Variants in PAIP2 observed in about 807,000 individuals in gnomAD.
The protein encoded by PAIP2 is poly(A) binding protein interacting protein 2, also known as polyadenylate-binding protein-interacting protein 2.
PAIP2 carries 7 observed loss-of-function variants against 14.8 expected under a neutral mutation model. The observed-to-expected ratio is 0.47, with a 90% CI of 0.27 to 0.89. The LOEUF is 0.89. Ranked by LOEUF, PAIP2 falls within the 40% of genes least tolerant of loss-of-function variation. The probability of loss-of-function intolerance (pLI) is 0.13; values close to 1 mark genes in which losing one functional copy is unlikely to be tolerated. For synonymous variants in PAIP2, 47 were observed against 45.3 expected, an observed-to-expected ratio of 1.04 and a Z score of -0.15; for missense variants, 122 against 154.7, an observed-to-expected ratio of 0.79 and a Z score of 1.12.
chr5:139,364,413 G>A (rs1757157285), intron 2 of PAIP2, 151 bp from the exon 3 acceptor site: 1 of 535,060 alleles, frequency 1.9e-6, no homozygotes, highest in African/African-American at 1.9e-5. Flanking sequence ...ATCTTCGCCG[G>A]TCATTATGGT....
intron 1 of PAIP2, among the ~76,000 whole-genome samples, chr5:139,343,750 C>G (rs1159815810): frequency 2.4e-5 from 3 of 126,730 alleles, no homozygotes; most frequent in Non-Finnish European, 4.7e-5. Flanking sequence ...CTCACTCTGT[C>G]GCCAGGCTGG....
At chr5:139,350,503 C>A (rs1027461068) in intron 1 of PAIP2, among the ~76,000 whole-genome samples, 2 of 151,732 alleles carry the variant, frequency 1.3e-5, no homozygotes, top group African/African-American at 4.8e-5. Context: ...TGGTGGCATG[C>A]GCCTGTAGTC....
chr5:139,360,557 A>T (rs768275281), intron 1 of PAIP2, among the ~76,000 whole-genome samples: 1 of 151,700 alleles, frequency 6.6e-6, no homozygotes, highest in African/African-American at 2.4e-5. Context: ...CAGTGGCACT[A>T]TCTCAGCTCA....
At chr5:139,345,626 ATTTTTTTTT>A (rs34133705) in intron 1 of PAIP2, among the ~76,000 whole-genome samples, 13 of 138,966 alleles carry the variant, frequency 9.4e-5, no homozygotes, top group African/African-American at 3.2e-4. Flanking sequence ...CTATGCTTGA[ATTTTTTTTT>A]TTTTTTTTTT....
intron 2 of PAIP2, 42 bp from the exon 3 acceptor site, chr5:139,364,522 T>A: frequency 1.7e-6 from 2 of 1,198,768 alleles, no homozygotes; most frequent in Non-Finnish European, 2.4e-6. Context: ...CCTAGTGATA[T>A]CTACCAAGTG....
At chr5:139,368,304 C>T (rs1243905395) in intron 3 of PAIP2, among the ~76,000 whole-genome samples, 3 of 151,872 alleles carry the variant, frequency 2.0e-5, no homozygotes, top group African/African-American at 2.4e-5. Context: ...CGCGCCACTG[C>T]ACTGCAGCCT....
At chr5:139,356,186 G>A (rs192290945) in intron 1 of PAIP2, among the ~76,000 whole-genome samples, 37 of 150,144 alleles carry the variant, frequency 2.5e-4, no homozygotes, top group African/African-American at 8.0e-4. Flanking sequence ...GGTGGCTCAC[G>A]CCTGTAATAC....
intron 1 of PAIP2, among the ~76,000 whole-genome samples, chr5:139,344,721 C>A (rs1756484847): frequency 6.6e-6 from 1 of 152,108 alleles, no homozygotes; most frequent in Non-Finnish European, 1.5e-5. Flanking sequence ...ATGACCCATT[C>A]TTGCTCTCAC....
At chr5:139,342,299 G>A (rs1756404089) in intron 1 of PAIP2, 1 of 152,016 alleles carries the variant, frequency 6.6e-6, no homozygotes, top group Non-Finnish European at 1.5e-5. Flanking sequence ...CATTCTCCCG[G>A]TCCTTTATCC....
At chr5:139,354,933 G>C (rs991782898) in intron 1 of PAIP2, among the ~76,000 whole-genome samples, 1 of 151,114 alleles carries the variant, frequency 6.6e-6, no homozygotes, top group African/African-American at 2.4e-5. Context: ...GATACTCCTG[G>C]CTCAGCCTCC....
intron 1 of PAIP2, among the ~76,000 whole-genome samples, chr5:139,348,415 C>T (rs1756623583): frequency 6.7e-6 from 1 of 150,264 alleles, no homozygotes; most frequent in Admixed American, 6.7e-5. Flanking sequence ...AGTGCAGTGG[C>T]GTAGTCTCAG....
intron 3 of PAIP2, chr5:139,364,991 A>G (rs1757172644): frequency 8.3e-6 from 2 of 240,112 alleles, no homozygotes; most frequent in South Asian, 1.8e-4. Flanking sequence ...CTAAAAATAA[A>G]AAATTAGCCG....
intron 1 of PAIP2, among the ~76,000 whole-genome samples, chr5:139,354,111 T>G (rs999726219): frequency 6.6e-6 from 1 of 152,230 alleles, no homozygotes; most frequent in Non-Finnish European, 1.5e-5. Context: ...AAGTTACTTT[T>G]ACTGGCATTT....
chr5:139,363,661 C>A, intron 1 of PAIP2, 98 bp from the exon 2 acceptor site: 1 of 1,035,572 alleles, frequency 9.7e-7, no homozygotes, highest in Non-Finnish European at 1.4e-6. Flanking sequence ...CATGATCACA[C>A]CATTGCACTC....
At chr5:139,342,429 GC>G (rs1264296275) in intron 1 of PAIP2, 2 of 152,094 alleles carry the variant, frequency 1.3e-5, no homozygotes, top group African/African-American at 4.8e-5. Context: ...GCGCGTGCGC[GC>G]CTCAGCCGAG....
At chr5:139,364,064 T>C in intron 2 of PAIP2, 142 bp downstream of exon 2, 1 of 707,396 alleles carries the variant, frequency 1.4e-6, no homozygotes, top group East Asian at 2.7e-5. Context: ...ATTTGGCTGC[T>C]GATTACTACC....
chr5:139,364,528 A>G, intron 2 of PAIP2, 36 bp from the exon 3 acceptor site: 1 of 1,272,868 alleles, frequency 7.9e-7, no homozygotes, highest in Non-Finnish European at 1.1e-6. Flanking sequence ...GATATCTACC[A>G]AGTGTGCTAT....
intron 1 of PAIP2, among the ~76,000 whole-genome samples, chr5:139,350,986 A>G (rs890071633): frequency 3.3e-5 from 5 of 152,202 alleles, no homozygotes; most frequent in Admixed American, 1.3e-4. Flanking sequence ...AGATTTAAAT[A>G]TAAAAACTTG....
chr5:139,357,535 A>G (rs953170098), intron 1 of PAIP2, among the ~76,000 whole-genome samples: 3 of 152,104 alleles, frequency 2.0e-5, no homozygotes, highest in Admixed American at 6.6e-5. Flanking sequence ...TTTTTTGTTA[A>G]TATTTATTAT....
Sources: gnomAD v4.1 joint callset for allele counts (sites outside exome capture counted in the v4.1 genomes callset) on GRCh38, gnomAD v4.1.1 for gene constraint, MANE v1.5 for transcripts, NCBI Gene and HGNC (gene_info 2026-07-23, HGNC 2026-07-21) for gene names.